The following TAOK3 variants were observed in gnomAD, a reference collection of about 807,000 sequenced individuals.
TAOK3 encodes serine/threonine-protein kinase TAO3.
A neutral mutation model predicts 120.4 loss-of-function variants in TAOK3; 40 were observed. The observed-to-expected ratio is 0.33, with a 90% CI of 0.26 to 0.43. The LOEUF (loss-of-function observed/expected upper bound fraction) is 0.43. Ranked by LOEUF, TAOK3 falls within the 20% of genes least tolerant of loss-of-function variation. TAOK3 has a pLI of 1.00. For synonymous variants in TAOK3, 355 were observed against 387.5 expected (o/e 0.92, Z 0.99); for missense variants, 821 against 1,112.1 (o/e 0.74, Z 3.72).
intron 1 of TAOK3, among the ~76,000 whole-genome samples, chr12:118,284,606 G>C (rs2042201408): frequency 6.6e-6 from 1 of 152,164 alleles, no homozygotes; most frequent in Admixed American, 6.5e-5. Flanking sequence ...GTGATGGATA[G>C]ACATACAGGT....
At chr12:118,351,266 G>A (rs1207501754) in intron 1 of TAOK3, among the ~76,000 whole-genome samples, 1 of 152,210 alleles carries the variant, frequency 6.6e-6, no homozygotes, top group Non-Finnish European at 1.5e-5. Context: ...AACAGGGGAT[G>A]ATTCAGTGCC....
At chr12:118,232,338 G>C (rs2139824072) in intron 9 of TAOK3, among the ~76,000 whole-genome samples, 1 of 152,344 alleles carries the variant, frequency 6.6e-6, no homozygotes, top group Non-Finnish European at 1.5e-5. Context: ...CTTAATGGCT[G>C]AAGTTTATCT....
intron 9 of TAOK3, among the ~76,000 whole-genome samples, chr12:118,218,207 G>A (rs1444103583): frequency 6.6e-6 from 1 of 151,928 alleles, no homozygotes; most frequent in Admixed American, 6.6e-5. Flanking sequence ...TTAACAAGTG[G>A]AAATTTGGAA....
chr12:118,254,568 G>A (rs550579327), intron 3 of TAOK3, among the ~76,000 whole-genome samples: 28 of 152,236 alleles, frequency 1.8e-4, no homozygotes, highest in Middle Eastern at 3.4e-3. Context: ...ATTTAGGGGT[G>A]GAGTCTTGAA....
chr12:118,345,925 C>T (rs11068915), intron 1 of TAOK3, among the ~76,000 whole-genome samples: 6,942 of 152,066 alleles, frequency 0.046, 360 homozygotes, highest in East Asian at 0.25. Context: ...TATTTAGAGA[C>T]AGATGAATAT....
At chr12:118,257,731 T>G (rs1473672821) in intron 2 of TAOK3, among the ~76,000 whole-genome samples, 2 of 152,236 alleles carry the variant, frequency 1.3e-5, no homozygotes, top group Admixed American at 1.3e-4. Flanking sequence ...TCTTGAGACA[T>G]AGCCATAGGT....
At chr12:118,337,966 T>C (rs886305093) in intron 1 of TAOK3, among the ~76,000 whole-genome samples, 10 of 152,340 alleles carry the variant, frequency 6.6e-5, no homozygotes, top group Admixed American at 1.3e-4. Context: ...TACCATCTTA[T>C]AGATTTGTAT....
rs1009600583 is a variant in TAOK3, at chr12:118,372,042, C to G, written c.-194+606G>C. On this transcript the variant is annotated intron_variant, in intron 1 of 20. Coordinates refer to ENST00000392533, the MANE Select transcript of TAOK3 (RefSeq NM_016281.4). This position sits in a 1 kb window ranked among gnomAD's most constrained non-coding sequence, Gnocchi z 4.6. ...TCTTCTCCCACTGTCTTGGCCCTTC[C>G]TGGGGTCTTCTCACACTCTGTTCTA... Among the ~76,000 whole-genome samples, 8 of 151,874 alleles carry G rather than the reference C, an allele frequency of 5.3e-5. No homozygotes were observed. Among genetic ancestry groups the G allele is most frequent in the Non-Finnish European group, 8.8e-5 (6 of 67,900 alleles).
Position 118,161,027 on chromosome 12 carries a change from C to T in TAOK3, c.2140-669G>A, listed in dbSNP as rs552774424. Among the ~76,000 whole-genome samples the T allele has an allele frequency of 6.6e-6, 1 of 152,316 alleles. No homozygotes were observed. The highest frequency in any genetic ancestry group is 6.5e-5 in the Admixed American group (1 of 15,292). ...AAGGTAGAGTATATTATTTTGAGCC[C>T]AGAAGGCATTCCATCAGGTTGCCCC... On this transcript the variant is annotated intron_variant, in intron 18 of 20. Transcript: ENST00000392533. The surrounding 1 kb of genome is among the most constrained non-coding windows in gnomAD (Gnocchi z 4.5).
chr12:118,281,081 C>T (rs2042083496), intron 1 of TAOK3, among the ~76,000 whole-genome samples: 1 of 152,176 alleles, frequency 6.6e-6, no homozygotes, highest in South Asian at 2.1e-4. Flanking sequence ...TTTATTAGAT[C>T]AAAGAGCATT....
At chr12:118,314,616 T>C (rs575040876) in intron 1 of TAOK3, among the ~76,000 whole-genome samples, 1 of 152,298 alleles carries the variant, frequency 6.6e-6, no homozygotes, top group African/African-American at 2.4e-5. Flanking sequence ...ACATCCAAGG[T>C]TGGAAAAGAC....
chr12:118,225,803 T>C (rs2039473091), intron 9 of TAOK3, among the ~76,000 whole-genome samples: 1 of 152,240 alleles, frequency 6.6e-6, no homozygotes, highest in African/African-American at 2.4e-5. Flanking sequence ...GTTTTGATGT[T>C]CATATACATT....
rs546554766 is a variant in TAOK3 at position 118,250,799 on chromosome 12, C to T, written c.120+4649G>A. The stretch of plus-strand genomic sequence containing the variant: ...TATTTGTTACTTTGAGAACCAACAA[C>T]GGTGGATGTGACTTAGGGAGGTCAG... On this transcript the variant is annotated intron_variant, in intron 3 of 20. Transcript: ENST00000392533. Among the ~76,000 whole-genome samples the T allele has an allele frequency of 9.2e-5, 14 of 152,192 alleles. No homozygotes were observed. In the South Asian group the frequency reaches 2.1e-3, roughly 23 times the overall value.
intron 12 of TAOK3, chr12:118,199,727 C>T (rs1358504339): frequency 5.7e-6 from 1 of 175,946 alleles, no homozygotes; most frequent in Non-Finnish European, 1.2e-5. Context: ...TATGCTCCCT[C>T]TGCAAGTCAT....
chr12:118,293,096 C>T (rs2042544116), intron 1 of TAOK3, among the ~76,000 whole-genome samples: 1 of 152,214 alleles, frequency 6.6e-6, no homozygotes, highest in Non-Finnish European at 1.5e-5. Flanking sequence ...AAAGTTGCTT[C>T]ACACTGCTTC....
At chr12:118,276,473 G>A (rs554126430) in intron 1 of TAOK3, among the ~76,000 whole-genome samples, 4 of 152,180 alleles carry the variant, frequency 2.6e-5, no homozygotes, top group Non-Finnish European at 4.4e-5. Context: ...AGGCCGAGGC[G>A]GGCAGATCAC....
At chr12:118,213,509 T>C (rs140395810) in intron 10 of TAOK3, among the ~76,000 whole-genome samples, 26 of 152,254 alleles carry the variant, frequency 1.7e-4, no homozygotes, top group African/African-American at 6.0e-4. Context: ...CCTTTTAAAA[T>C]AACTCTTGTG....
Position 118,293,240 on chromosome 12 carries a change from C to A in TAOK3, c.-193-26481G>T, listed in dbSNP as rs144943649. 1.2e-4 allele frequency among the ~76,000 whole-genome samples: 19 copies of A among 152,316 alleles called. No individual in the cohort carries two copies. The East Asian group carries it at 3.3e-3, about 26-fold the overall frequency. ...TTTTAAAAAGTAAACAGTTCTATAACAACTGACTTGGGATGCCTCTATGTT... is the reference window on the plus strand; with the variant it reads ...TTTTAAAAAGTAAACAGTTCTATAAAAACTGACTTGGGATGCCTCTATGTT... On this transcript the variant is annotated intron_variant, in intron 1 of 20. Coordinates refer to ENST00000392533, the MANE Select transcript of TAOK3 (RefSeq NM_016281.4).
At chr12:118,315,098 C>T (rs11068906) in intron 1 of TAOK3, among the ~76,000 whole-genome samples, 29,657 of 151,784 alleles carry the variant, frequency 0.2, 3,035 homozygotes, top group African/African-American at 0.26. Context: ...CCCTGGCTAA[C>T]TTTTATACTT....
Sources: gnomAD v4.1 joint callset for allele counts (sites outside exome capture counted in the v4.1 genomes callset) on GRCh38, gnomAD v4.1.1 for gene constraint, Gnocchi (gnomAD v3.1) non-coding constraint, MANE v1.5 for transcripts, NCBI Gene and HGNC (gene_info 2026-07-23, HGNC 2026-07-21) for gene names.